The following PHF24 variants were observed in gnomAD, a reference collection of about 807,000 sequenced individuals.
PHF24 encodes Galpha inhibitory interacting protein.
PHF24 carries 25 observed loss-of-function variants against 42.6 expected under a neutral mutation model. The ratio of observed to expected loss-of-function variants is 0.59; its 90% CI spans 0.43 to 0.82. The LOEUF is 0.82. Among genes scored for constraint, PHF24 ranks in the 40% least tolerant of loss-of-function variants. The probability of loss-of-function intolerance (pLI) is 0.00; values close to 1 mark genes in which losing one functional copy is unlikely to be tolerated. For missense variants in PHF24, 470 were observed against 538.1 expected (o/e 0.87, Z 1.25); for synonymous variants, 185 against 204.8 (o/e 0.90, Z 0.83).
the PHF24 span, among the ~76,000 whole-genome samples, chr9:34,868,248 A>G: frequency 1.3e-5 from 2 of 152,172 alleles, no homozygotes; most frequent in African/African-American, 4.8e-5. Flanking sequence ...TTCTGGCCCA[A>G]TTTGAGAAAA....
At chr9:34,675,657 A>T in the PHF24 span, among the ~76,000 whole-genome samples, 1 of 152,186 alleles carries the variant, frequency 6.6e-6, no homozygotes, top group East Asian at 1.9e-4. Context: ...GGAGCTTGAA[A>T]TAACGCCACT....
chr9:34,911,689 CTT>C, the PHF24 span, among the ~76,000 whole-genome samples: 1 of 145,030 alleles, frequency 6.9e-6, no homozygotes, highest in Non-Finnish European at 1.5e-5. Flanking sequence ...TATGTGAACT[CTT>C]TTGTTTATCA....
At chr9:34,939,108 G>A in the PHF24 span, among the ~76,000 whole-genome samples, 4,966 of 151,658 alleles carry the variant, frequency 0.033, 116 homozygotes, top group Admixed American at 0.049. Flanking sequence ...TGGAGAAACC[G>A]CATCTCTACT....
chr9:34,744,818 G>A, the PHF24 span, among the ~76,000 whole-genome samples: 1 of 151,922 alleles, frequency 6.6e-6, no homozygotes, highest in Non-Finnish European at 1.5e-5. Context: ...TCTTTAATAC[G>A]GAAACATTCC....
the PHF24 span, among the ~76,000 whole-genome samples, chr9:34,672,562 G>A: frequency 6.6e-6 from 1 of 152,122 alleles, no homozygotes; most frequent in Non-Finnish European, 1.5e-5. Flanking sequence ...GATCCTTCTT[G>A]CTGGTGGGGA....
At chr9:34,789,251 T>C in the PHF24 span, among the ~76,000 whole-genome samples, 1 of 152,244 alleles carries the variant, frequency 6.6e-6, no homozygotes, top group African/African-American at 2.4e-5. Flanking sequence ...CTGCTGCTGC[T>C]GGCTCATTCT....
the PHF24 span, among the ~76,000 whole-genome samples, chr9:34,737,970 T>C: frequency 3.3e-5 from 5 of 151,734 alleles, no homozygotes; most frequent in South Asian, 2.1e-4. Flanking sequence ...TTTTTTTTTT[T>C]CCTCAGGATA....
the PHF24 span, among the ~76,000 whole-genome samples, chr9:34,884,106 A>G: frequency 6.6e-6 from 1 of 152,234 alleles, no homozygotes; most frequent in Non-Finnish European, 1.5e-5. Flanking sequence ...CGAGAAAACT[A>G]TCACGAGGAC....
intron 4 of PHF24, 21 bp downstream of exon 4, chr9:34,976,251 A>G (rs368529105): frequency 6.3e-7 from 1 of 1,595,574 alleles, no homozygotes; most frequent in African/African-American, 1.3e-5. Flanking sequence ...GTGGTGCTGC[A>G]TGGATGGAGA....
chr9:34,675,782 C>A, the PHF24 span, among the ~76,000 whole-genome samples: 1 of 152,086 alleles, frequency 6.6e-6, no homozygotes, highest in Admixed American at 6.6e-5. Flanking sequence ...GAAACAAGGG[C>A]CCCTGGATGT....
chr9:34,764,450 T>C, the PHF24 span, among the ~76,000 whole-genome samples: 5,283 of 152,250 alleles, frequency 0.035, 133 homozygotes, highest in African/African-American at 0.12. Context: ...TCAAGGAATT[T>C]ATTCATTTCT....
chr9:34,888,721 A>T, the PHF24 span, among the ~76,000 whole-genome samples: 1 of 152,208 alleles, frequency 6.6e-6, no homozygotes, highest in Non-Finnish European at 1.5e-5. Context: ...AGAAGTCATC[A>T]ATGAATTTTG....
the PHF24 span, among the ~76,000 whole-genome samples, chr9:34,916,223 CA>C: frequency 6.6e-6 from 1 of 152,146 alleles, no homozygotes; most frequent in East Asian, 1.9e-4. Flanking sequence ...GTGATAGGAG[CA>C]AAATCTATCA....
chr9:34,855,917 A>G, the PHF24 span, among the ~76,000 whole-genome samples: 11 of 152,278 alleles, frequency 7.2e-5, no homozygotes, highest in South Asian at 1.9e-3. Flanking sequence ...CTAATCAGTC[A>G]TAGGTTCAGT....
the PHF24 span, among the ~76,000 whole-genome samples, chr9:34,952,115 A>T: frequency 1.3e-5 from 2 of 152,262 alleles, no homozygotes; most frequent in Non-Finnish European, 2.9e-5. Context: ...TTCACAGAGA[A>T]CACAATTGTC....
the PHF24 span, among the ~76,000 whole-genome samples, chr9:34,886,834 G>GTATCTATCTATCTATCTATCTATCTATC: frequency 4.6e-4 from 69 of 148,812 alleles, 1 homozygote; most frequent in East Asian, 1.2e-3. Context: ...ATGTATCTAT[G>GTATCTATCTATCTATCTATCTATCTATC]TATCTATCTA....
the PHF24 span, among the ~76,000 whole-genome samples, chr9:34,929,063 C>T: frequency 6.6e-6 from 1 of 152,176 alleles, no homozygotes; most frequent in Non-Finnish European, 1.5e-5. Context: ...CCCCCACCTC[C>T]ATGTCAAACA....
the PHF24 span, among the ~76,000 whole-genome samples, chr9:34,939,648 G>A: frequency 6.6e-6 from 1 of 152,234 alleles, no homozygotes; most frequent in Non-Finnish European, 1.5e-5. Context: ...CATGGCCTCA[G>A]AGCAAATGTA....
chr9:34,961,368 G>T (rs1314245347), intron 1 of PHF24, among the ~76,000 whole-genome samples: 1 of 152,188 alleles, frequency 6.6e-6, no homozygotes, highest in Non-Finnish European at 1.5e-5. Flanking sequence ...AAGACCATCA[G>T]TGTCCAGCTG....
Sources: allele counts gnomAD v4.1 joint callset (sites outside exome capture counted in the v4.1 genomes callset), GRCh38; gene constraint gnomAD v4.1.1; transcripts MANE v1.5; gene names NCBI Gene and HGNC (gene_info 2026-07-23, HGNC 2026-07-21).